The following ZDHHC11B variants were observed in gnomAD, a reference collection of about 807,000 sequenced individuals.
The protein encoded by ZDHHC11B is zDHHC palmitoyltransferase 11B (putative), also known as probable palmitoyltransferase ZDHHC11B.
ZDHHC11B carries 17 observed loss-of-function variants against 42.3 expected under a neutral mutation model. The ratio of observed to expected loss-of-function variants is 0.40; its 90% CI spans 0.27 to 0.60. The LOEUF is 0.60. Ranked by LOEUF, ZDHHC11B falls within the 20% of genes least tolerant of loss-of-function variation. The pLI is 0.41. For synonymous variants in ZDHHC11B, 123 were observed against 193.5 expected, an observed-to-expected ratio of 0.64 and a Z score of 3.02; for missense variants, 262 against 463.2, an observed-to-expected ratio of 0.57 and a Z score of 3.99.
At chr5:776,311 C>A (rs549120517) in intron 1 of ZDHHC11B, among the ~76,000 whole-genome samples, 482 of 151,854 alleles carry the variant, frequency 3.2e-3, no homozygotes, top group Non-Finnish European at 4.5e-3. Context: ...GGCACCGAAG[C>A]CCTGGGATGG....
chr5:747,689 T>TG (rs1289516066), intron 8 of ZDHHC11B: 3 of 164,794 alleles, frequency 1.8e-5, no homozygotes, highest in African/African-American at 7.3e-5. Flanking sequence ...AGGGCATTCT[T>TG]GGGGGCTGGC....
intron 11 of ZDHHC11B, chr5:731,866 G>A (rs1743041523): frequency 6.6e-6 from 1 of 152,076 alleles, no homozygotes; most frequent in African/African-American, 2.4e-5. Context: ...CTGCTTTCTA[G>A]GTGGGACTGA....
chr5:777,453 C>T (rs1360966731), intron 1 of ZDHHC11B, among the ~76,000 whole-genome samples: 3 of 127,636 alleles, frequency 2.4e-5, no homozygotes, highest in African/African-American at 8.5e-5. Flanking sequence ...AGTGCTACAG[C>T]TCACAAAAGC....
intron 1 of ZDHHC11B, among the ~76,000 whole-genome samples, chr5:772,968 G>A (rs1402407006): frequency 6.6e-6 from 1 of 151,908 alleles, no homozygotes; most frequent in East Asian, 1.9e-4. Flanking sequence ...AATGAATTAG[G>A]CACGATGTGC....
At chr5:776,757 G>T (rs1346350033) in intron 1 of ZDHHC11B, among the ~76,000 whole-genome samples, 1 of 151,880 alleles carries the variant, frequency 6.6e-6, no homozygotes, top group Non-Finnish European at 1.5e-5. Flanking sequence ...CCCTCCTGCC[G>T]AGGAGGTGCT....
At chr5:756,591 T>A (rs1733888695) in intron 4 of ZDHHC11B, among the ~76,000 whole-genome samples, 1 of 151,628 alleles carries the variant, frequency 6.6e-6, no homozygotes, top group Non-Finnish European at 1.5e-5. Context: ...CCAAGCACAG[T>A]GACCCCAAAA....
chr5:739,033 C>T (rs1193747372), intron 10 of ZDHHC11B, among the ~76,000 whole-genome samples: 2 of 150,626 alleles, frequency 1.3e-5, no homozygotes, highest in Non-Finnish European at 2.9e-5. Context: ...AGAAAATATT[C>T]ACAATCTGTA....
intron 1 of ZDHHC11B, among the ~76,000 whole-genome samples, chr5:779,024 C>A (rs1160155195): frequency 6.6e-6 from 1 of 151,322 alleles, no homozygotes; most frequent in Non-Finnish European, 1.5e-5. Flanking sequence ...GCCAAGCCTG[C>A]AGGTGCCTTG....
At chr5:725,312 G>T (rs1742510154) in intron 12 of ZDHHC11B, among the ~76,000 whole-genome samples, 2 of 143,858 alleles carry the variant, frequency 1.4e-5, no homozygotes, top group African/African-American at 5.2e-5. Flanking sequence ...CGGAGAACCG[G>T]GAAGGGGCTC....
chr5:733,256 ACCC>A (rs1183836792), intron 11 of ZDHHC11B, among the ~76,000 whole-genome samples: 1 of 149,506 alleles, frequency 6.7e-6, no homozygotes, highest in Non-Finnish European at 1.5e-5. Context: ...ACATAACCAC[ACCC>A]CCCCACATAT....
rs1411083306 is a variant in ZDHHC11B at position 749,108 on chromosome 5, T to A, written c.629-549A>T. On this transcript the variant is annotated intron_variant, in intron 7 of 13. Coordinates refer to ENST00000508859, the MANE Select transcript of ZDHHC11B (RefSeq NM_001351303.2). ...CGAGGTCACAGCACCCACCCCTTCC[T>A]CACTAAGTACCAGGGTCACAGCGCC... Among the ~76,000 whole-genome samples the A allele has an allele frequency of 5.6e-5, 7 of 124,760 alleles. No individual in the cohort carries two copies. The East Asian group carries it at 2.0e-3, about 36-fold the overall frequency. 81.8% of individuals were successfully genotyped at this position (124,760 alleles called of 152,430 possible).
chr5:746,503 T>C lies in ZDHHC11B; in HGVS notation c.785-1205A>G, dbSNP rs1206733577. Reference sequence around the variant, plus strand: ...AGCCGCCTGCCTGTCCTTTCATGTTTCTGCCACACTTGGTCTGGGCTTTGC... The same window carrying C: ...AGCCGCCTGCCTGTCCTTTCATGTTCCTGCCACACTTGGTCTGGGCTTTGC... On this transcript the variant is annotated intron_variant, in intron 8 of 13. Coordinates refer to ENST00000508859, the MANE Select transcript of ZDHHC11B (RefSeq NM_001351303.2). Among the ~76,000 whole-genome samples, 8 of 132,604 alleles carry C rather than the reference T, an allele frequency of 6.0e-5. 2 individuals are homozygous for C. In the East Asian group the frequency reaches 1.9e-3, roughly 31 times the overall value. The allele number at this position is 132,604 out of a possible 152,430, so 87.0% of individuals were successfully genotyped here. A position where few individuals can be genotyped will look rare whatever the true frequency, so the allele number is the denominator to read the frequency against.
At chr5:724,660 G>A (rs903039375) in intron 12 of ZDHHC11B, among the ~76,000 whole-genome samples, 11 of 75,208 alleles carry the variant, frequency 1.5e-4, no homozygotes, top group African/African-American at 4.8e-4. Context: ...TTGACCATCA[G>A]TTACACACAC....
intron 1 of ZDHHC11B, among the ~76,000 whole-genome samples, chr5:784,367 G>C (rs1409873382): frequency 6.6e-6 from 1 of 151,968 alleles, no homozygotes; most frequent in African/African-American, 2.4e-5. Flanking sequence ...AAAGGCCAAA[G>C]CGCCAGGCAC....
chr5:759,398 G>A (rs568666603), intron 4 of ZDHHC11B, among the ~76,000 whole-genome samples: 19 of 152,054 alleles, frequency 1.2e-4, no homozygotes, highest in East Asian at 7.7e-4. Context: ...CAATCCCTGC[G>A]GGGTTCAAAG....
At chr5:739,141 G>T (rs1579296270) in intron 10 of ZDHHC11B, among the ~76,000 whole-genome samples, 1 of 149,466 alleles carries the variant, frequency 6.7e-6, no homozygotes, top group African/African-American at 2.5e-5. Flanking sequence ...GCTCATGTCT[G>T]TAATCCCAGT....
intron 11 of ZDHHC11B, 142 bp from the exon 12 acceptor site, chr5:730,610 T>A: frequency 2.1e-6 from 2 of 956,066 alleles, no homozygotes; most frequent in Non-Finnish European, 1.5e-6. Context: ...TGGAATAGGA[T>A]CTCAGTGGTG....
intron 4 of ZDHHC11B, among the ~76,000 whole-genome samples, chr5:760,809 C>T (rs1420669182): frequency 1.3e-5 from 2 of 151,782 alleles, no homozygotes; most frequent in African/African-American, 4.8e-5. Flanking sequence ...CTGGCAGGGG[C>T]AGTGACCCGG....
Position 710,569 on chromosome 5 carries a change from A to C in ZDHHC11B, c.*1721T>G, listed in dbSNP as rs564418288. 42 of 151,330 alleles carry C rather than the reference A, an allele frequency of 2.8e-4. No homozygotes were observed. Among genetic ancestry groups the C allele is most frequent in the African/African-American group, 1.0e-3 (40 of 39,324 alleles). 9.4% of individuals were successfully genotyped at this position (151,330 alleles called of 1,614,324 possible). A position where few individuals can be genotyped will look rare whatever the true frequency, so the allele number is the denominator to read the frequency against. The stretch of plus-strand genomic sequence containing the variant: ...TCTCAGTACTATGCTCCCATTTCCC[A>C]GTACTGTGCTCCCATTTCACAGTAC... On this transcript the variant is annotated 3_prime_UTR_variant, in exon 14 of 14. Transcript: ENST00000508859.
Sources: gnomAD v4.1 joint callset for allele counts (sites outside exome capture counted in the v4.1 genomes callset) on GRCh38, gnomAD v4.1.1 for gene constraint, MANE v1.5 for transcripts, NCBI Gene and HGNC (gene_info 2026-07-23, HGNC 2026-07-21) for gene names.